ATRNL1: variants seen among roughly 807,000 people sequenced by gnomAD.
ATRNL1 encodes the protein attractin-like protein 1.
A neutral mutation model predicts 182.7 loss-of-function variants in ATRNL1; 95 were observed. The ratio of observed to expected loss-of-function variants is 0.52; its 90% CI spans 0.44 to 0.62. ATRNL1 has a LOEUF of 0.62. Among genes scored for constraint, ATRNL1 ranks in the 20% least tolerant of loss-of-function variants. The pLI, the probability that ATRNL1 is intolerant of heterozygous loss-of-function variation, is 0.00. For synonymous variants in ATRNL1, 576 were observed against 568.3 expected (o/e 1.01, Z -0.19); for missense variants, 1,471 against 1,679.5 (o/e 0.88, Z 2.17).
chr10:115,201,014 C>T (rs1554892228), intron 8 of ATRNL1, among the ~76,000 whole-genome samples: 1 of 150,746 alleles, frequency 6.6e-6, no homozygotes, highest in East Asian at 1.9e-4. Context: ...CTTTTGGCTG[C>T]ATAAATGTCT....
chr10:115,222,413 A>G (rs949880163), intron 9 of ATRNL1, among the ~76,000 whole-genome samples: 1 of 152,190 alleles, frequency 6.6e-6, no homozygotes, highest in Non-Finnish European at 1.5e-5. Flanking sequence ...GATAATGAAT[A>G]AGAAATTTTC....
chr10:115,263,638 T>A (rs1436138257), intron 10 of ATRNL1, among the ~76,000 whole-genome samples: 1 of 151,828 alleles, frequency 6.6e-6, no homozygotes, highest in Non-Finnish European at 1.5e-5. Flanking sequence ...CTTTTATGTG[T>A]ACTTAATTTA....
chr10:115,840,965 C>A (rs1950794439), intron 27 of ATRNL1, among the ~76,000 whole-genome samples: 1 of 152,144 alleles, frequency 6.6e-6, no homozygotes, highest in African/African-American at 2.4e-5. Context: ...AATTTTGAAA[C>A]TCATACATCA....
chr10:115,368,317 C>CCCTTGCGCT (rs1857182079), intron 19 of ATRNL1, among the ~76,000 whole-genome samples: 1 of 152,218 alleles, frequency 6.6e-6, no homozygotes, highest in African/African-American at 2.4e-5. Flanking sequence ...CTTTCTTTGA[C>CCCTTGCGCT]TCGGAAAGGG....
At chr10:115,649,634 T>G (rs1200575158) in intron 26 of ATRNL1, among the ~76,000 whole-genome samples, 1 of 152,168 alleles carries the variant, frequency 6.6e-6, no homozygotes, top group Non-Finnish European at 1.5e-5. Context: ...GAAATGACTG[T>G]GCATTTTATT....
chr10:115,430,330 C>A (rs939090257), intron 21 of ATRNL1, among the ~76,000 whole-genome samples: 2 of 151,542 alleles, frequency 1.3e-5, no homozygotes, highest in Non-Finnish European at 2.9e-5. Context: ...TTTTTTAGTT[C>A]ATCAATTTCA....
At chr10:115,701,216 A>G (rs907325757) in intron 26 of ATRNL1, among the ~76,000 whole-genome samples, 1 of 152,086 alleles carries the variant, frequency 6.6e-6, no homozygotes, top group Non-Finnish European at 1.5e-5. Flanking sequence ...TTTTGGATAA[A>G]CAACAAAATT....
intron 13 of ATRNL1, among the ~76,000 whole-genome samples, chr10:115,271,720 A>G (rs1413046662): frequency 1.3e-5 from 2 of 151,952 alleles, no homozygotes; most frequent in Non-Finnish European, 2.9e-5. Flanking sequence ...GTAGTTTTTT[A>G]TCTGTTGGGG....
chr10:115,433,168 G>C (rs1846247497), intron 21 of ATRNL1, among the ~76,000 whole-genome samples: 1 of 151,922 alleles, frequency 6.6e-6, no homozygotes, highest in Non-Finnish European at 1.5e-5. Flanking sequence ...GAATTTTGTA[G>C]TAATAATAAA....
At chr10:115,643,223 G>A (rs1035107821) in intron 26 of ATRNL1, among the ~76,000 whole-genome samples, 1 of 152,106 alleles carries the variant, frequency 6.6e-6, no homozygotes, top group Non-Finnish European at 1.5e-5. Context: ...TTTCAATGGA[G>A]AATAGATAAA....
At chr10:115,349,778 AG>A (rs1554940709) in intron 19 of ATRNL1, among the ~76,000 whole-genome samples, 1 of 152,136 alleles carries the variant, frequency 6.6e-6, no homozygotes, top group Admixed American at 6.5e-5. Context: ...TCAGGTCTTT[AG>A]CCCAATTTTT....
intron 5 of ATRNL1, among the ~76,000 whole-genome samples, chr10:115,135,534 G>T (rs1258320189): frequency 1.3e-5 from 2 of 152,182 alleles, no homozygotes; most frequent in Non-Finnish European, 2.9e-5. Flanking sequence ...CGAAATAAAA[G>T]AGGATACAAA....
chr10:115,771,815 C>T lies in ATRNL1; in HGVS notation c.3903+44460C>T, dbSNP rs562538792. 1.5e-3 allele frequency among the ~76,000 whole-genome samples: 233 copies of T among 152,264 alleles called. 2 individuals are homozygous for T. Among genetic ancestry groups the T allele is most frequent in the Non-Finnish European group, 2.2e-3 (148 of 68,014 alleles). On this transcript the variant is annotated intron_variant, in intron 27 of 28. Transcript: ENST00000355044. ...CTTAATTTTACTATAATAGCCTAAT[C>T]TGAAATGTTATCTGAAAGGCTTATT...
At chr10:115,275,901 G>C (rs1554914700) in intron 13 of ATRNL1, among the ~76,000 whole-genome samples, 4 of 152,054 alleles carry the variant, frequency 2.6e-5, no homozygotes, top group African/African-American at 9.7e-5. Flanking sequence ...GCCACCTTTT[G>C]GTCTATGTTT....
chr10:115,429,802 T>C (rs1484617138), intron 21 of ATRNL1, among the ~76,000 whole-genome samples: 6 of 152,156 alleles, frequency 3.9e-5, no homozygotes, highest in Non-Finnish European at 7.4e-5. Context: ...GCGCTGTGGC[T>C]CACACCTGTA....
intron 19 of ATRNL1, among the ~76,000 whole-genome samples, chr10:115,382,124 G>C (rs1487611025): frequency 6.6e-6 from 1 of 152,128 alleles, no homozygotes; most frequent in Non-Finnish European, 1.5e-5. Context: ...TTGAAATTGG[G>C]ATGGCTGAGT....
chr10:115,624,294 C>A (rs1857956611), intron 26 of ATRNL1, among the ~76,000 whole-genome samples: 1 of 151,908 alleles, frequency 6.6e-6, no homozygotes, highest in Admixed American at 6.6e-5. Flanking sequence ...TTTGCAACTA[C>A]ATGTTTAAAT....
At chr10:115,456,929 G>A (rs1447997759) in intron 21 of ATRNL1, among the ~76,000 whole-genome samples, 3 of 151,990 alleles carry the variant, frequency 2.0e-5, no homozygotes, top group Admixed American at 6.6e-5. Flanking sequence ...CCCGTTGTTC[G>A]GTGAGCAGGA....
rs551919956 is a variant in ATRNL1 at position 115,524,399 on chromosome 10, AT to A, written c.3716+5081del. Reference sequence around the variant, plus strand: ...AATAATTCAAAAATTGAAAAGAATAATTTTTTAAATAAACTCTTCTTGTGTG... The same window carrying A: ...AATAATTCAAAAATTGAAAAGAATAATTTTTAAATAAACTCTTCTTGTGTG... On this transcript the variant is annotated intron_variant, in intron 25 of 28. Transcript: ENST00000355044. 2.5e-3 allele frequency among the ~76,000 whole-genome samples: 388 copies of A among 152,312 alleles called. 1 individual carries two copies. The highest frequency in any genetic ancestry group is 8.8e-3 in the African/African-American group (364 of 41,566).
Sources: gnomAD v4.1 joint callset for allele counts (sites outside exome capture counted in the v4.1 genomes callset) on GRCh38, gnomAD v4.1.1 for gene constraint, MANE v1.5 for transcripts, NCBI Gene and HGNC (gene_info 2026-07-23, HGNC 2026-07-21) for gene names.